WDPCP: variants seen among roughly 807,000 people sequenced by gnomAD.
WDPCP encodes WD repeat-containing and planar cell polarity effector protein fritz homolog.
WDPCP carries 71 observed loss-of-function variants against 93.1 expected under a neutral mutation model. The observed-to-expected ratio is 0.76, with a 90% confidence interval of 0.63 to 0.93. WDPCP has a LOEUF of 0.93. Ranked by LOEUF, WDPCP falls within the 40% of genes least tolerant of loss-of-function variation. The probability of loss-of-function intolerance (pLI) is 0.00; values close to 1 mark genes in which losing one functional copy is unlikely to be tolerated. For synonymous variants in WDPCP, 315 were observed against 315.0 expected (o/e 1.00, Z 0.00); for missense variants, 844 against 887.4 (o/e 0.95, Z 0.62).
At chr2:63,494,312 G>A (rs1017402473) in intron 1 of WDPCP, among the ~76,000 whole-genome samples, 9 of 119,216 alleles carry the variant, frequency 7.5e-5, no homozygotes, top group South Asian at 2.8e-4. Context: ...CAATGATGAT[G>A]ACGATGATGA....
chr2:63,838,098 GA>G, the WDPCP span, among the ~76,000 whole-genome samples: 1,652 of 141,434 alleles, frequency 0.012, 74 homozygotes, highest in East Asian at 0.17. Context: ...CTATCTCAAA[GA>G]AAAAAAAAAA....
chr2:63,462,388 T>C (rs1226540633), intron 6 of WDPCP, among the ~76,000 whole-genome samples: 3 of 152,108 alleles, frequency 2.0e-5, no homozygotes, highest in Admixed American at 6.6e-5. Flanking sequence ...TTAGGAGATA[T>C]ACCTAATGTA....
At chr2:63,588,618 G>A, upstream of WDPCP, 1 of 500,634 alleles carries the variant, frequency 2.0e-6, no homozygotes, top group South Asian at 2.1e-5. Flanking sequence ...CGCGCGTGGG[G>A]GTGATGTCGC....
At chr2:63,727,660 G>T (rs1669510303) in intron 2 of WDPCP, among the ~76,000 whole-genome samples, 1 of 152,164 alleles carries the variant, frequency 6.6e-6, no homozygotes, top group Non-Finnish European at 1.5e-5. Flanking sequence ...GTAGAATTCA[G>T]CTGTGAATCT....
intron 11 of WDPCP, 81 bp downstream of exon 11, chr2:63,381,825 A>G (rs1575282062): frequency 1.3e-6 from 2 of 1,489,858 alleles, no homozygotes; most frequent in East Asian, 4.7e-5. Context: ...CATGACTCAA[A>G]AACAACCTCA....
intron 14 of WDPCP, among the ~76,000 whole-genome samples, chr2:63,241,887 C>T (rs1434157028): frequency 3.9e-5 from 6 of 152,112 alleles, no homozygotes; most frequent in Non-Finnish European, 8.8e-5. Context: ...TGAGCCACTG[C>T]ACCTAGGCTC....
chr2:63,827,444 G>A (rs991116511), intron 1 of WDPCP, among the ~76,000 whole-genome samples: 1 of 152,040 alleles, frequency 6.6e-6, no homozygotes, highest in Admixed American at 6.6e-5. Flanking sequence ...GGCCTTATTA[G>A]TCACAGCCAT....
Position 63,337,245 on chromosome 2 carries a change from T to C in WDPCP, c.1749-23934A>G, listed in dbSNP as rs1688448649. Reference sequence around the variant, plus strand: ...TATGAGTGAGAACATGCAGTATTTGTCTTTCTGTGCTTGGCTTATTTCACT... The same window carrying C: ...TATGAGTGAGAACATGCAGTATTTGCCTTTCTGTGCTTGGCTTATTTCACT... On this transcript the variant is annotated intron_variant, in intron 12 of 17. Coordinates refer to ENST00000272321, the MANE Select transcript of WDPCP (RefSeq NM_015910.7). Among the ~76,000 whole-genome samples the C allele has an allele frequency of 2.0e-5, 3 of 152,296 alleles. No homozygotes were observed. In the South Asian group the frequency reaches 6.2e-4, roughly 32 times the overall value.
intron 6 of WDPCP, chr2:63,443,050 T>A (rs1352629692): frequency 6.6e-6 from 1 of 152,078 alleles, no homozygotes; most frequent in East Asian, 1.9e-4. Flanking sequence ...CAAGTGAGGT[T>A]GGACATTCCT....
chr2:63,158,364 G>C (rs1303491068), intron 15 of WDPCP, among the ~76,000 whole-genome samples: 1 of 152,058 alleles, frequency 6.6e-6, no homozygotes, highest in Admixed American at 6.6e-5. Flanking sequence ...TTCCCATTGT[G>C]ATCTCTATCA....
intron 14 of WDPCP, among the ~76,000 whole-genome samples, chr2:63,207,603 G>T (rs1368536279): frequency 6.6e-6 from 1 of 152,074 alleles, no homozygotes; most frequent in East Asian, 1.9e-4. Flanking sequence ...CTGGCATAAA[G>T]TGTTGCTGAC....
At chr2:63,190,519 T>C (rs1674966028) in intron 14 of WDPCP, among the ~76,000 whole-genome samples, 2 of 152,040 alleles carry the variant, frequency 1.3e-5, no homozygotes, top group Non-Finnish European at 2.9e-5. Flanking sequence ...TGTAAATATG[T>C]TTAAATTGTG....
At chr2:63,452,474 T>C (rs1698320550) in intron 6 of WDPCP, among the ~76,000 whole-genome samples, 1 of 152,212 alleles carries the variant, frequency 6.6e-6, no homozygotes, top group African/African-American at 2.4e-5. Context: ...CATTCCATGT[T>C]CATGGACAGG....
intron 2 of WDPCP, among the ~76,000 whole-genome samples, chr2:63,813,337 TA>T (rs559274669): frequency 1.8e-4 from 28 of 152,296 alleles, no homozygotes; most frequent in Admixed American, 3.9e-4. Context: ...ATTTGGGACA[TA>T]ATAATTTGAA....
chr2:63,568,675 G>T (rs1209309522), intron 1 of WDPCP, among the ~76,000 whole-genome samples: 1 of 152,186 alleles, frequency 6.6e-6, no homozygotes, highest in African/African-American at 2.4e-5. Flanking sequence ...TTTTGTATTT[G>T]TCCCGACTGG....
intron 10 of WDPCP, among the ~76,000 whole-genome samples, chr2:63,395,365 T>G (rs1170137176): frequency 6.6e-6 from 1 of 152,180 alleles, no homozygotes; most frequent in African/African-American, 2.4e-5. Flanking sequence ...AGGCAGTATT[T>G]CATCCCTCAC....
At chr2:63,341,201 A>G (rs6744815) in intron 12 of WDPCP, among the ~76,000 whole-genome samples, 121,685 of 152,134 alleles carry the variant, frequency 0.8, 49,520 homozygotes, top group East Asian at 0.96. Flanking sequence ...TGATCTCGGC[A>G]TACTGCAACC....
intron 12 of WDPCP, among the ~76,000 whole-genome samples, chr2:63,354,625 C>T (rs1018743918): frequency 7.2e-5 from 11 of 152,114 alleles, no homozygotes; most frequent in African/African-American, 2.4e-4. Flanking sequence ...TACATATACA[C>T]ATACACCCAC....
At chr2:63,807,444 T>G (rs977326892) in intron 2 of WDPCP, among the ~76,000 whole-genome samples, 2 of 152,292 alleles carry the variant, frequency 1.3e-5, no homozygotes, top group East Asian at 3.9e-4. Flanking sequence ...CCTTACACCA[T>G]GATTGGAAGC....
Sources: gnomAD v4.1 joint callset for allele counts (sites outside exome capture counted in the v4.1 genomes callset) on GRCh38, gnomAD v4.1.1 for gene constraint, MANE v1.5 for transcripts, NCBI Gene and HGNC (gene_info 2026-07-23, HGNC 2026-07-21) for gene names.